NDUFS4: variants seen among roughly 807,000 people sequenced by gnomAD.
NDUFS4 encodes NADH:ubiquinone oxidoreductase subunit S4, also known as NADH dehydrogenase [ubiquinone] iron-sulfur protein 4, mitochondrial.
A neutral mutation model predicts 24.3 loss-of-function variants in NDUFS4; 28 were observed. That is an observed-to-expected ratio of 1.15 (90% CI 0.85 to 1.58). The LOEUF is 1.58. Ranked by LOEUF, NDUFS4 falls within the 40% of genes most tolerant of loss-of-function variation. The probability of loss-of-function intolerance (pLI) is 0.00; values close to 1 mark genes in which losing one functional copy is unlikely to be tolerated. For missense variants in NDUFS4, 223 were observed against 207.9 expected, an observed-to-expected ratio of 1.07 and a Z score of -0.45; for synonymous variants, 93 against 69.7, an observed-to-expected ratio of 1.34 and a Z score of -1.67.
At chr5:53,620,741 A>G (rs1386923987) in intron 2 of NDUFS4, among the ~76,000 whole-genome samples, 1 of 152,198 alleles carries the variant, frequency 6.6e-6, no homozygotes, top group African/African-American at 2.4e-5. Flanking sequence ...AAATATCTAC[A>G]GTACTTCATC....
intron 2 of NDUFS4, among the ~76,000 whole-genome samples, chr5:53,606,636 A>C (rs1007627019): frequency 1.3e-5 from 2 of 152,194 alleles, no homozygotes; most frequent in African/African-American, 4.8e-5. Context: ...AAGTGCTGGG[A>C]TTACAGGCAT....
intron 3 of NDUFS4, among the ~76,000 whole-genome samples, chr5:53,656,442 G>A (rs1024147997): frequency 3.9e-5 from 6 of 152,162 alleles, no homozygotes; most frequent in Non-Finnish European, 8.8e-5. Context: ...GGTAGGATAT[G>A]AAAGACTTCA....
chr5:53,608,254 G>A (rs1436506892), intron 2 of NDUFS4, among the ~76,000 whole-genome samples: 2 of 152,086 alleles, frequency 1.3e-5, no homozygotes, highest in East Asian at 1.9e-4. Context: ...AAATGCTAAC[G>A]ATCAGCTGAG....
At chr5:53,564,058 G>A (rs980293507) in intron 1 of NDUFS4, among the ~76,000 whole-genome samples, 2 of 152,160 alleles carry the variant, frequency 1.3e-5, no homozygotes, top group Non-Finnish European at 2.9e-5. Context: ...TCACCCAGAG[G>A]GTTTTAATTA....
intron 2 of NDUFS4, among the ~76,000 whole-genome samples, chr5:53,645,795 G>A (rs748818710): frequency 7.2e-5 from 11 of 152,162 alleles, no homozygotes; most frequent in Non-Finnish European, 1.5e-4. Flanking sequence ...GTAACAGATT[G>A]TCTTCTATTT....
At chr5:53,560,838 G>T (rs751336833) in intron 1 of NDUFS4, 78 bp downstream of exon 1, 15 of 1,605,416 alleles carry the variant, frequency 9.3e-6, no homozygotes, top group Non-Finnish European at 1.3e-5. Context: ...CTGAGTTCCG[G>T]AGGAGGCCTC....
chr5:53,623,639 C>T (rs969123066), intron 2 of NDUFS4, among the ~76,000 whole-genome samples: 4 of 152,234 alleles, frequency 2.6e-5, no homozygotes, highest in African/African-American at 4.8e-5. Context: ...AATTCACTGT[C>T]GAAGATTTCC....
intron 2 of NDUFS4, among the ~76,000 whole-genome samples, chr5:53,604,369 T>C (rs139897050): frequency 1.1e-3 from 170 of 152,328 alleles, no homozygotes; most frequent in African/African-American, 3.7e-3. Flanking sequence ...CCATTAAAGA[T>C]ACAGACAAAT....
At chr5:53,590,704 C>T (rs893974653) in intron 1 of NDUFS4, among the ~76,000 whole-genome samples, 11 of 152,220 alleles carry the variant, frequency 7.2e-5, no homozygotes, top group African/African-American at 2.6e-4. Context: ...GCATATGTGT[C>T]TTTATTGGTG....
chr5:53,575,917 G>C (rs1749371445), intron 1 of NDUFS4, among the ~76,000 whole-genome samples: 1 of 152,218 alleles, frequency 6.6e-6, no homozygotes, highest in Non-Finnish European at 1.5e-5. Context: ...CCATAATCTT[G>C]GAAATGGCAT....
rs1398162032 is a variant in NDUFS4 at position 53,560,661 on chromosome 5, A to G, written c.-2A>G. 4.3e-6 allele frequency: 7 copies of G among 1,614,264 alleles called. No individual in the cohort carries two copies. Among genetic ancestry groups the G allele is most frequent in the Non-Finnish European group, 5.9e-6 (7 of 1,180,046 alleles). On this transcript the variant is annotated 5_prime_UTR_variant, in exon 1 of 5. Transcript: ENST00000296684. ...TTCATCCTGGCGTTTGCCTGCAGCA[A>G]GATGGCGGCGGTGTCAATGTCAGTG... is the stretch of plus-strand genomic sequence containing the variant.
chr5:53,611,172 C>T (rs892090357), intron 2 of NDUFS4, among the ~76,000 whole-genome samples: 6 of 149,834 alleles, frequency 4.0e-5, no homozygotes, highest in African/African-American at 1.5e-4. Flanking sequence ...TTGTGGATGT[C>T]AGTGCTAATA....
chr5:53,677,329 A>T (rs1191298174), intron 4 of NDUFS4, among the ~76,000 whole-genome samples: 4 of 152,174 alleles, frequency 2.6e-5, no homozygotes, highest in African/African-American at 9.7e-5. Context: ...GTAGAGTATT[A>T]CTAATCTAAC....
intron 1 of NDUFS4, among the ~76,000 whole-genome samples, chr5:53,577,350 A>T (rs933224510): frequency 6.6e-6 from 1 of 152,126 alleles, no homozygotes; most frequent in African/African-American, 2.4e-5. Context: ...TTGAGGTGGG[A>T]TGCTAGAGGA....
At chr5:53,610,100 T>C (rs1035269318) in intron 2 of NDUFS4, among the ~76,000 whole-genome samples, 3 of 152,212 alleles carry the variant, frequency 2.0e-5, no homozygotes, top group Admixed American at 2.0e-4. Flanking sequence ...TTTTGGTCTG[T>C]CTAGGTTTTT....
At chr5:53,664,141 A>T (rs1752435697) in intron 4 of NDUFS4, among the ~76,000 whole-genome samples, 1 of 152,266 alleles carries the variant, frequency 6.6e-6, no homozygotes, top group East Asian at 1.9e-4. Flanking sequence ...TCTTTTCTTT[A>T]AGAATGTTGA....
At chr5:53,646,165 A>G in intron 2 of NDUFS4, 68 bp from the exon 3 acceptor site, 5 of 1,301,150 alleles carry the variant, frequency 3.8e-6, no homozygotes, top group Non-Finnish European at 5.4e-6. Context: ...AATATAGGAA[A>G]CAACAAAAGT....
At chr5:53,658,893 T>C (rs980442361) in intron 4 of NDUFS4, 14 of 356,998 alleles carry the variant, frequency 3.9e-5, no homozygotes, top group African/African-American at 2.9e-4. Flanking sequence ...AACGCCTACC[T>C]TGTGTATGAA....
chr5:53,577,001 G>T (rs1749409646), intron 1 of NDUFS4, among the ~76,000 whole-genome samples: 1 of 152,112 alleles, frequency 6.6e-6, no homozygotes, highest in East Asian at 1.9e-4. Context: ...CTCGGGGTTT[G>T]TGTAGGGCTT....
Sources: gnomAD v4.1 joint callset for allele counts (sites outside exome capture counted in the v4.1 genomes callset) on GRCh38, gnomAD v4.1.1 for gene constraint, MANE v1.5 for transcripts, NCBI Gene and HGNC (gene_info 2026-07-23, HGNC 2026-07-21) for gene names.